The following IGFN1 variants were observed in gnomAD, a reference collection of about 807,000 sequenced individuals.
The protein encoded by IGFN1 is immunoglobulin-like and fibronectin type III domain-containing protein 1.
IGFN1 carries 253 observed loss-of-function variants against 289.5 expected under a neutral mutation model. The ratio of observed to expected loss-of-function variants is 0.87; its 90% CI spans 0.79 to 0.97. The LOEUF is 0.97. IGFN1 is among the 50% of genes least tolerant of loss of function. IGFN1 has a pLI of 0.00. For missense variants in IGFN1, 4,470 were observed against 4,686.1 expected (o/e 0.95, Z 1.35); for synonymous variants, 1,706 against 1,788.5 (o/e 0.95, Z 1.16).
chr1:201,205,571 C>A (rs772565230), intron 11 of IGFN1, among the ~76,000 whole-genome samples: 7 of 152,306 alleles, frequency 4.6e-5, no homozygotes, highest in Middle Eastern at 3.4e-3. Context: ...TACTTTGGGG[C>A]ACAGATGGCT....
At chr1:201,195,807 T>C in intron 3 of IGFN1, 32 bp from the exon 4 acceptor site, 5 of 1,542,198 alleles carry the variant, frequency 3.2e-6, no homozygotes, top group Non-Finnish European at 4.4e-6. Context: ...TCCCAACTTG[T>C]CAGTCTCCCT....
chr1:201,206,309 G>C lies in IGFN1; in HGVS notation c.1416G>C (p.Leu472Phe). Residue 472 changes from leucine (L) to phenylalanine (F), a missense_variant, in exon 12 of 24, where the codon TTG (leucine) becomes TTC (phenylalanine). Coordinates refer to ENST00000335211, the MANE Select transcript of IGFN1 (RefSeq NM_001164586.2). Reference sequence around the variant, plus strand: ...GCCTTGGCAGACATGGCTACTCCTTGATGGGGGACAAAGGGACAGCTGACT... The same window carrying C: ...GCCTTGGCAGACATGGCTACTCCTTCATGGGGGACAAAGGGACAGCTGACT... Reference protein sequence around the residue: ...RDGLGRHGYSLMGDKGTADSA... With the variant: ...RDGLGRHGYSFMGDKGTADSA... 1 of 1,550,320 alleles carries C rather than the reference G, an allele frequency of 6.5e-7. No individual in the cohort carries two copies. The highest frequency in any genetic ancestry group is 1.4e-5 in the African/African-American group (1 of 73,176).
In IGFN1 at chr1:201,195,844, A is replaced by T; in HGVS notation, c.133A>T (p.Asn45Tyr). The change falls in exon 4 of 24, where the codon AAT (asparagine) becomes TAT (tyrosine). Residue 45 changes from asparagine (N) to tyrosine (Y), a missense_variant. This residue lies in a region of IGFN1 where 2,011 missense variants were observed against 1,953.4 expected (regional missense o/e 1.03). Coordinates refer to ENST00000335211, the MANE Select transcript of IGFN1 (RefSeq NM_001164586.2). ...CTCGTCTCTTCCTGCTGCAGGGAAA[A>T]ATGCTGTCTTTCGGGCTGTGGTCTG... Reference protein sequence around the residue: ...PVTSALPEGKNAVFRAVVCGE... With the variant: ...PVTSALPEGKYAVFRAVVCGE... 6.4e-7 allele frequency: 1 copy of T among 1,551,228 alleles called. No individual in the cohort carries two copies. The highest frequency in any genetic ancestry group is 2.4e-5 in the East Asian group (1 of 40,906).
At chr1:201,216,348 TG>T (rs1653274431) in intron 15 of IGFN1, 105 bp from the exon 16 acceptor site, 7 of 639,884 alleles carry the variant, frequency 1.1e-5, no homozygotes, top group East Asian at 3.4e-5. Flanking sequence ...GATGAGTGGA[TG>T]GGGGTGGGGG....
intron 1 of IGFN1, among the ~76,000 whole-genome samples, chr1:201,191,858 G>A (rs546555642): frequency 7.2e-5 from 11 of 152,264 alleles, no homozygotes; most frequent in East Asian, 3.9e-4. Context: ...ATAGCTGCTC[G>A]TGGTGATGAT....
In IGFN1 at chr1:201,194,180, G is replaced by A. The variant is rs1450283899; in HGVS notation, c.34G>A (p.Gly12Arg). ...AGKLRKSHIP[G>R]VSIWQLVEEI... is the part of the protein sequence containing the mutation. ...AAAGCTCCGGAAGTCCCACATCCCT[G>A]GAGTGAGCATCTGGCAGCTGGTGGA... The change falls in exon 3 of 24, where the codon GGA (glycine) becomes AGA (arginine). Residue 12 changes from glycine to arginine, a missense_variant. Gly to Arg is a moderately radical substitution (Grantham distance 125, BLOSUM62 -2). This residue lies in a region of IGFN1 where 2,011 missense variants were observed against 1,953.4 expected (regional missense o/e 1.03). Transcript: ENST00000335211. 2.6e-6 allele frequency: 4 copies of A among 1,551,662 alleles called. No homozygotes were observed. The East Asian group carries it at 9.8e-5, about 38-fold the overall frequency.
In IGFN1 at chr1:201,222,825, G is replaced by T; in HGVS notation, c.10288G>T (p.Glu3430Ter). 6.2e-7 allele frequency: 1 copy of T among 1,610,920 alleles called. No homozygotes were observed. The highest frequency in any genetic ancestry group is 8.5e-7 in the Non-Finnish European group (1 of 1,177,728). ...CACAGTTCGTGTGCCCGTCTCCTTT[G>T]AAGTGAGTGTACCTGCAGGGGTGTG... ...GDTVRVPVSF[E>*]AMPMPEVTWL... is the part of the protein sequence containing the mutation. The change falls in exon 20 of 24, where the codon GAA (glutamate) becomes TAA (stop). Residue 3430 changes from glutamate (E) to a stop codon, truncating the protein, a stop_gained and splice_region_variant. Transcript: ENST00000335211. LOFTEE classifies it high-confidence loss of function.
intron 10 of IGFN1, among the ~76,000 whole-genome samples, chr1:201,204,314 A>G (rs1667300410): frequency 6.6e-6 from 1 of 152,106 alleles, no homozygotes; most frequent in African/African-American, 2.4e-5. Flanking sequence ...CTCCATACAG[A>G]CCTTTCCTTT....
chr1:201,218,753 CG>C lies in IGFN1; in HGVS notation c.9898+99del, dbSNP rs759533146. The C allele has an allele frequency of 2.7e-5, 35 of 1,275,410 alleles. No individual in the cohort carries two copies. The East Asian group carries it at 7.4e-4, about 27-fold the overall frequency. The allele number at this position is 1,275,410 out of a possible 1,614,324, so 79.0% of individuals were successfully genotyped here. A position where few individuals can be genotyped will look rare whatever the true frequency, so the allele number is the denominator to read the frequency against. On this transcript the variant is annotated intron_variant, in intron 18 of 23. Coordinates refer to ENST00000335211, the MANE Select transcript of IGFN1 (RefSeq NM_001164586.2). The stretch of plus-strand genomic sequence containing the variant: ...TGATGGGAGGTCAAAGGTCACAGGT[CG>C]GGGCAGTCCTGAGGGAGATGGTCAG...
rs746845056 is a variant in IGFN1 at position 201,207,311 on chromosome 1, A to T, written c.2418A>T (p.Val806=). 1 of 1,536,778 alleles carries T rather than the reference A, an allele frequency of 6.5e-7. No homozygotes were observed. The highest frequency in any genetic ancestry group is 8.7e-7 in the Non-Finnish European group (1 of 1,146,888). The change falls in exon 12 of 24, where the codon GTA becomes GTT. Residue 806 remains valine (V), a synonymous_variant. Coordinates refer to ENST00000335211, the MANE Select transcript of IGFN1 (RefSeq NM_001164586.2). ...GQETAWASGE[V]EYDPRSFQSS... is the part of the protein sequence containing the mutation. ...AAACAGCTTGGGCCTCGGGTGAGGT[A>T]GAGTATGACCCCAGAAGCTTCCAGT...
intron 18 of IGFN1, among the ~76,000 whole-genome samples, chr1:201,220,343 CT>C (rs1437137059): frequency 6.6e-6 from 1 of 152,180 alleles, no homozygotes; most frequent in African/African-American, 2.4e-5. Context: ...CCACCACACC[CT>C]GCTAATTTAT....
At chr1:201,214,933 G>A (rs1653112827) in intron 13 of IGFN1, 80 bp from the exon 14 acceptor site, 1 of 1,468,044 alleles carries the variant, frequency 6.8e-7, no homozygotes, top group Non-Finnish European at 9.3e-7. Context: ...CCCAGCATCA[G>A]TAAAGGGCTC....
At chr1:201,204,811 A>G (rs940986540) in intron 10 of IGFN1, among the ~76,000 whole-genome samples, 3 of 152,230 alleles carry the variant, frequency 2.0e-5, no homozygotes, top group Non-Finnish European at 2.9e-5. Flanking sequence ...GGTTTCCTTC[A>G]TGCATCCACC....
Position 201,216,145 on chromosome 1 carries a change from G to A in IGFN1, c.9295+307G>A, listed in dbSNP as rs544683275. 284 of 633,010 alleles carry A rather than the reference G, an allele frequency of 4.5e-4. 10 individuals carry two copies. In the South Asian group the frequency reaches 5.0e-3, roughly 11 times the overall value. The allele number at this position is 633,010 out of a possible 1,614,324, so 39.2% of individuals were successfully genotyped here. A position where few individuals can be genotyped will look rare whatever the true frequency, so the allele number is the denominator to read the frequency against. On this transcript the variant is annotated intron_variant, in intron 15 of 23. Transcript: ENST00000335211. ...CCCAGCCCTGAGTGGTGCCAGCAAG[G>A]TAGGACTGCTCTTGGCCGAGCAGGT...
At position 201,203,780 on chromosome 1, in the gene IGFN1, C is replaced by T. The variant is rs370809446; in HGVS notation, c.790C>T (p.His264Tyr). 2.2e-5 allele frequency: 34 copies of T among 1,551,742 alleles called. No individual in the cohort carries two copies. The highest frequency in any genetic ancestry group is 2.9e-5 in the Non-Finnish European group (33 of 1,147,050). ...IPYGFNNQTKHCLRRLGKRYE... is the reference protein window; with the variant it reads ...IPYGFNNQTKYCLRRLGKRYE... ...CTATGGCTTCAACAACCAAACCAAG[C>T]ACTGTCTGCGCCGGCTGGGGAAGCG... Residue 264 changes from histidine (H) to tyrosine (Y), a missense_variant, in exon 10 of 24, where the codon CAC (histidine) becomes TAC (tyrosine). Transcript: ENST00000335211.
chr1:201,202,736 C>T (rs1406625373), intron 9 of IGFN1, among the ~76,000 whole-genome samples: 1 of 107,790 alleles, frequency 9.3e-6, no homozygotes, highest in African/African-American at 3.5e-5. Flanking sequence ...TCCCTCCCTC[C>T]CTCCCTCCCT....
At chr1:201,227,420 T>G (rs1411088821) in intron 23 of IGFN1, among the ~76,000 whole-genome samples, 1 of 130,728 alleles carries the variant, frequency 7.6e-6, no homozygotes, top group African/African-American at 3.3e-5. Context: ...AAAAATTTAT[T>G]TTTATTTTTA....
rs1054805452 is a variant in IGFN1, at chr1:201,222,369, G to A, written c.10202-370G>A. 86 of 174,182 alleles carry A rather than the reference G, an allele frequency of 4.9e-4. 1 individual carries two copies. Among genetic ancestry groups the A allele is most frequent in the Admixed American group, 8.1e-4 (13 of 16,112 alleles). 10.8% of individuals were successfully genotyped at this position (174,182 alleles called of 1,614,324 possible). ...CAGAATCTTGTCCTGGCTCTCTCCC[G>A]AACAAGGTGTGACCTCAGGCAAGTC... On this transcript the variant is annotated intron_variant, in intron 19 of 23. Coordinates refer to ENST00000335211, the MANE Select transcript of IGFN1 (RefSeq NM_001164586.2).
At position 201,203,793 on chromosome 1, in the gene IGFN1, G is replaced by A. The variant is rs759870222; in HGVS notation, c.803G>A (p.Arg268Gln). The A allele has an allele frequency of 1.1e-5, 17 of 1,551,592 alleles. No individual in the cohort carries two copies. The highest frequency in any genetic ancestry group is 2.7e-5 in the African/African-American group (2 of 73,038). ...FNNQTKHCLR[R>Q]LGKRYEFQIQ... ...AACCAAACCAAGCACTGTCTGCGCC[G>A]GCTGGGGAAGCGCTATGAGTTCCAG... Residue 268 changes from arginine to glutamine, a missense_variant, in exon 10 of 24, where the codon CGG (arginine) becomes CAG (glutamine). Transcript: ENST00000335211.
Sources: gnomAD v4.1 joint callset for allele counts (sites outside exome capture counted in the v4.1 genomes callset) on GRCh38, gnomAD v4.1.1 for gene constraint, gnomAD v4.1.1 regional missense constraint, MANE v1.5 for transcripts, NCBI Gene and HGNC (gene_info 2026-07-23, HGNC 2026-07-21) for gene names.